TUB: variants seen among roughly 807,000 people sequenced by gnomAD.
TUB encodes the protein tubby protein homolog.
A neutral mutation model predicts 59.7 loss-of-function variants in TUB; 33 were observed. That is an observed-to-expected ratio of 0.55 (90% CI 0.42 to 0.74). The LOEUF (loss-of-function observed/expected upper bound fraction) is 0.74, where lower values mean the gene tolerates loss of function less well. TUB is among the 30% of genes least tolerant of loss of function. The probability of loss-of-function intolerance (pLI) is 0.00; values close to 1 mark genes in which losing one functional copy is unlikely to be tolerated. For missense variants in TUB, 659 were observed against 672.0 expected (o/e 0.98, Z 0.21); for synonymous variants, 293 against 256.4 (o/e 1.14, Z -1.36).
intron 2 of TUB, among the ~76,000 whole-genome samples, chr11:8,054,605 T>A (rs1453209299): frequency 6.6e-6 from 1 of 152,264 alleles, no homozygotes; most frequent in Non-Finnish European, 1.5e-5. Context: ...ATGTCTGTTG[T>A]GGCATATCTA....
Position 8,098,882 on chromosome 11 carries a change from CCT to C in TUB, c.1116+8_1116+9del. ...GCTGGCAGCTGTGTGCTACGTGAGT[CCT>C]AGGTTCGGGGGTCTCTGATTTCCAA... On this transcript the variant is annotated splice_region_variant and intron_variant, in intron 9 of 11. Coordinates refer to ENST00000299506, the MANE Select transcript of TUB (RefSeq NM_177972.3). The C allele has an allele frequency of 6.2e-7, 1 of 1,603,770 alleles. No individual in the cohort carries two copies. Among genetic ancestry groups the C allele is most frequent in the Non-Finnish European group, 8.5e-7 (1 of 1,170,724 alleles).
Position 8,104,807 on chromosome 11 carries a change from C to T in TUB, c.*3188C>T, listed in dbSNP as rs1172926673. The T allele has an allele frequency of 1.3e-5, 2 of 152,118 alleles. No individual in the cohort carries two copies. Among genetic ancestry groups the T allele is most frequent in the Non-Finnish European group, 2.9e-5 (2 of 68,030 alleles). 9.4% of individuals were successfully genotyped at this position (152,118 alleles called of 1,614,324 possible). A position where few individuals can be genotyped will look rare whatever the true frequency, so the allele number is the denominator to read the frequency against. On this transcript the variant is annotated 3_prime_UTR_variant, in exon 12 of 12. Transcript: ENST00000299506. ...TAGTTCAGAGGAAGCACATAATGTC[C>T]AGATCTATGGCGAACACAGGTGTTG...
chr11:8,036,691 C>T (rs1230382600), upstream of TUB, among the ~76,000 whole-genome samples: 1 of 152,212 alleles, frequency 6.6e-6, no homozygotes, highest in Non-Finnish European at 1.5e-5. Context: ...GCAGCTTAGC[C>T]TCAAAAGGGC....
upstream of TUB, chr11:8,077,284 T>G (rs931852934): frequency 3.8e-4 from 58 of 152,380 alleles, 1 homozygote; most frequent in African/African-American, 1.2e-3. Flanking sequence ...CTATAGGATA[T>G]TTCCAAATTA....
upstream of TUB, among the ~76,000 whole-genome samples, chr11:8,034,858 G>T (rs189346692): frequency 7.2e-5 from 11 of 152,332 alleles, no homozygotes; most frequent in Admixed American, 3.9e-4. Context: ...TATGGAGGGG[G>T]TCCATGTGCA....
rs779907548 is a variant in TUB, at chr11:8,055,949, A to G, written c.203+16257A>G. Among the ~76,000 whole-genome samples, 14 of 152,156 alleles carry G rather than the reference A, an allele frequency of 9.2e-5. 1 individual carries two copies. The highest frequency in any genetic ancestry group is 1.6e-4 in the Non-Finnish European group (11 of 68,016). The stretch of plus-strand genomic sequence containing the variant: ...GCTCAGCGTTCACTGCAGCCTGGGC[A>G]AGGCCCTTAAGCCCCCAAGAGTCCC... On this transcript the variant is annotated intron_variant, in intron 2 of 12. Coordinates refer to the TUB transcript ENST00000305253.
chr11:8,041,676 G>C (rs1193665993), intron 2 of TUB, among the ~76,000 whole-genome samples: 2 of 152,136 alleles, frequency 1.3e-5, no homozygotes, highest in Non-Finnish European at 2.9e-5. Flanking sequence ...CTGAGCCCTA[G>C]TTTTTCTCCT....
Position 8,103,972 on chromosome 11 carries a change from C to G in TUB, c.*2353C>G, listed in dbSNP as rs868638876. On this transcript the variant is annotated 3_prime_UTR_variant, in exon 12 of 12. Transcript: ENST00000299506. Reference sequence around the variant, plus strand: ...AGGAAAGACAGGCTGAGCTTTCTAGCCTAAGTGTGGAGAAGGATAGCCTCA... The same window carrying G: ...AGGAAAGACAGGCTGAGCTTTCTAGGCTAAGTGTGGAGAAGGATAGCCTCA... 5.3e-5 allele frequency: 8 copies of G among 152,204 alleles called. No individual in the cohort carries two copies. The highest frequency in any genetic ancestry group is 4.4e-5 in the Non-Finnish European group (3 of 68,060). 9.4% of individuals were successfully genotyped at this position (152,204 alleles called of 1,614,324 possible).
intron 2 of TUB, among the ~76,000 whole-genome samples, chr11:8,066,058 G>A (rs1289946283): frequency 5.3e-5 from 8 of 152,176 alleles, no homozygotes; most frequent in Admixed American, 2.0e-4. Context: ...GTGCTTGGGC[G>A]GTGGCTAATC....
intron 2 of TUB, among the ~76,000 whole-genome samples, chr11:8,047,701 C>A (rs1000605763): frequency 6.6e-6 from 1 of 152,190 alleles, no homozygotes; most frequent in African/African-American, 2.4e-5. Context: ...TGCATTTATA[C>A]CTTTTGTTTC....
At chr11:8,040,354 C>T (rs1389855581) in intron 2 of TUB, among the ~76,000 whole-genome samples, 2 of 152,172 alleles carry the variant, frequency 1.3e-5, no homozygotes, top group Non-Finnish European at 2.9e-5. Context: ...AGGATCCTGT[C>T]CCCAGCTGCA....
chr11:8,089,389 G>A (rs1010482161), intron 1 of TUB, among the ~76,000 whole-genome samples: 8 of 152,180 alleles, frequency 5.3e-5, no homozygotes, highest in Non-Finnish European at 8.8e-5. Flanking sequence ...GGAAACAGGG[G>A]TCCTAGCAGG....
At position 8,098,716 on chromosome 11, in the gene TUB, C is replaced by T. The variant is rs368528115; in HGVS notation, c.999-42C>T. On this transcript the variant is annotated intron_variant, in intron 8 of 11. Transcript: ENST00000299506. ...CGATGAGCTGTTCCCTGCTCTGGGG[C>T]AGAGGGTGCATGACTCTATACTGAT... 47 of 1,442,576 alleles carry T rather than the reference C, an allele frequency of 3.3e-5. No individual in the cohort carries two copies. The African/African-American group carries it at 3.5e-4, about 11-fold the overall frequency. The allele number at this position is 1,442,576 out of a possible 1,614,324, so 89.4% of individuals were successfully genotyped here. A position where few individuals can be genotyped will look rare whatever the true frequency, so the allele number is the denominator to read the frequency against.
At chr11:8,019,858 T>G (rs1192082509) in intron 1 of TUB, among the ~76,000 whole-genome samples, 1 of 152,006 alleles carries the variant, frequency 6.6e-6, no homozygotes. Context: ...GACCCGCGAG[T>G]CGCTGCCTGT....
intron 1 of TUB, chr11:8,039,425 T>G: frequency 2.6e-6 from 1 of 387,808 alleles, no homozygotes; most frequent in Non-Finnish European, 4.4e-6. Context: ...ACTGCCCTCA[T>G]CTGGACTGCC....
chr11:8,048,446 G>C (rs576242305), intron 2 of TUB, among the ~76,000 whole-genome samples: 4 of 152,082 alleles, frequency 2.6e-5, no homozygotes, highest in Non-Finnish European at 5.9e-5. Flanking sequence ...CTGTCACTCA[G>C]GCTGGAACAT....
At chr11:8,042,388 T>C (rs982017662) in intron 2 of TUB, among the ~76,000 whole-genome samples, 2 of 152,232 alleles carry the variant, frequency 1.3e-5, no homozygotes, top group African/African-American at 4.8e-5. Context: ...TTGATGAACA[T>C]TTGGGTGTTT....
chr11:8,067,560 C>A (rs984731373), intron 2 of TUB: 1 of 152,166 alleles, frequency 6.6e-6, no homozygotes, highest in African/African-American at 2.4e-5. Flanking sequence ...GAAAAATTCT[C>A]CTCATGTATT....
intron 1 of TUB, among the ~76,000 whole-genome samples, chr11:8,084,806 A>G (rs909545924): frequency 1.3e-5 from 2 of 152,160 alleles, no homozygotes; most frequent in African/African-American, 4.8e-5. Flanking sequence ...TCACATCACC[A>G]TGGGACCTCC....
Sources: allele counts gnomAD v4.1 joint callset (sites outside exome capture counted in the v4.1 genomes callset), GRCh38; gene constraint gnomAD v4.1.1; transcripts MANE v1.5; gene names NCBI Gene and HGNC (gene_info 2026-07-23, HGNC 2026-07-21).